The following TBC1D22A variants were observed in gnomAD, a reference collection of about 807,000 sequenced individuals.
The protein encoded by TBC1D22A is putative GTPase activator.
Under a neutral mutation model 60.2 loss-of-function variants are expected in TBC1D22A, and 38 were observed. The ratio of observed to expected loss-of-function variants is 0.63; its 90% CI spans 0.49 to 0.83. The LOEUF (loss-of-function observed/expected upper bound fraction) is 0.83. TBC1D22A is among the 40% of genes least tolerant of loss of function. TBC1D22A has a pLI of 0.00. For missense variants in TBC1D22A, 628 were observed against 701.0 expected, an observed-to-expected ratio of 0.90 and a Z score of 1.18; for synonymous variants, 302 against 281.7, an observed-to-expected ratio of 1.07 and a Z score of -0.72.
rs1324330341 is a variant in TBC1D22A at position 46,762,856 on chromosome 22, T to A, written c.62+8T>A. 2.6e-5 allele frequency: 38 copies of A among 1,468,804 alleles called. No individual in the cohort carries two copies. Among genetic ancestry groups the A allele is most frequent in the Non-Finnish European group, 3.4e-5 (38 of 1,116,294 alleles). The allele number at this position is 1,468,804 out of a possible 1,614,324, so 91.0% of individuals were successfully genotyped here. A position where few individuals can be genotyped will look rare whatever the true frequency, so the allele number is the denominator to read the frequency against. ...CAGCAAGCTCCCGGGCAGGTGGGTG[T>A]GCCGCGGAGGGCCAGGTCGGGGTCA... On this transcript the variant is annotated splice_region_variant and intron_variant, in intron 1 of 12. Transcript: ENST00000337137.
At chr22:47,173,004 A>AG (rs2068546449) in intron 12 of TBC1D22A, among the ~76,000 whole-genome samples, 1 of 152,236 alleles carries the variant, frequency 6.6e-6, no homozygotes, top group Admixed American at 6.5e-5. Flanking sequence ...TGGCAGTTCC[A>AG]GGGGTGCTGC....
At chr22:47,163,866 A>G (rs936122106) in intron 12 of TBC1D22A, among the ~76,000 whole-genome samples, 4 of 152,238 alleles carry the variant, frequency 2.6e-5, no homozygotes, top group African/African-American at 9.6e-5. Flanking sequence ...TGGGACGCCA[A>G]GAGTCCAGTG....
intron 12 of TBC1D22A, among the ~76,000 whole-genome samples, chr22:47,168,040 A>G (rs1475093504): frequency 1.3e-5 from 2 of 152,274 alleles, no homozygotes; most frequent in Non-Finnish European, 1.5e-5. Flanking sequence ...AGGGTTGTGT[A>G]GCTAATAAAT....
At chr22:46,992,398 T>A (rs1057243326) in intron 9 of TBC1D22A, among the ~76,000 whole-genome samples, 2 of 152,256 alleles carry the variant, frequency 1.3e-5, no homozygotes, top group Non-Finnish European at 2.9e-5. Flanking sequence ...CTGCTTGGCA[T>A]GTGCCCAAAT....
At chr22:47,099,628 A>T (rs1324208640) in intron 11 of TBC1D22A, among the ~76,000 whole-genome samples, 1 of 151,866 alleles carries the variant, frequency 6.6e-6, no homozygotes, top group Admixed American at 6.5e-5. Flanking sequence ...TATTTTTAGT[A>T]GAGATGGGGT....
intron 4 of TBC1D22A, among the ~76,000 whole-genome samples, chr22:46,861,997 T>C (rs924049138): frequency 2.0e-5 from 3 of 152,180 alleles, no homozygotes; most frequent in Non-Finnish European, 4.4e-5. Context: ...CTGGGGCCTC[T>C]GTATGGCCTC....
intron 10 of TBC1D22A, among the ~76,000 whole-genome samples, chr22:47,019,043 T>A (rs1173986649): frequency 3.3e-5 from 5 of 152,210 alleles, no homozygotes; most frequent in South Asian, 2.1e-4. Context: ...TGTTGGAGGC[T>A]CTGGTGCAGG....
chr22:46,891,472 C>G (rs1318482421), intron 6 of TBC1D22A, 78 bp downstream of exon 6: 1 of 1,469,986 alleles, frequency 6.8e-7, no homozygotes, highest in African/African-American at 1.4e-5. Context: ...AATGTTTTAT[C>G]AAAACCATGT....
At chr22:47,156,366 G>A (rs1254988624) in intron 12 of TBC1D22A, among the ~76,000 whole-genome samples, 1 of 152,220 alleles carries the variant, frequency 6.6e-6, no homozygotes, top group East Asian at 1.9e-4. Context: ...TGGTAGTCAG[G>A]TCCAGTGGCT....
At chr22:46,771,746 C>G (rs561601351) in intron 1 of TBC1D22A, among the ~76,000 whole-genome samples, 1 of 152,172 alleles carries the variant, frequency 6.6e-6, no homozygotes, top group Non-Finnish European at 1.5e-5. Context: ...AGGCACATGC[C>G]ACCATGCCCG....
chr22:46,970,480 A>G (rs1022642243), intron 8 of TBC1D22A, among the ~76,000 whole-genome samples: 2 of 152,036 alleles, frequency 1.3e-5, no homozygotes, highest in African/African-American at 4.8e-5. Flanking sequence ...TGTCCTATGG[A>G]GTGACACATG....
At position 46,982,787 on chromosome 22, in the gene TBC1D22A, T is replaced by C. The variant is rs142654815; in HGVS notation, c.1125+8388T>C. On this transcript the variant is annotated intron_variant, in intron 9 of 12. Coordinates refer to ENST00000337137, the MANE Select transcript of TBC1D22A (RefSeq NM_014346.5). The stretch of plus-strand genomic sequence containing the variant: ...AAACTAGGTGGTGGCGGGACAGGCA[T>C]TGGCGGGCAGGTGCAAGAGCACTGA... Among the ~76,000 whole-genome samples the C allele has an allele frequency of 9.2e-3, 1,395 of 152,234 alleles. 16 individuals are homozygous for C. The highest frequency in any genetic ancestry group is 0.024 in the African/African-American group (996 of 41,548).
chr22:47,041,865 G>A (rs975739176), intron 11 of TBC1D22A, among the ~76,000 whole-genome samples: 5 of 152,228 alleles, frequency 3.3e-5, no homozygotes, highest in African/African-American at 1.2e-4. Flanking sequence ...TGGACAGCGG[G>A]CGTGGCCGTG....
rs556590533 is a variant in TBC1D22A, at chr22:47,039,801, A to G, written c.1329+2603A>G. Among the ~76,000 whole-genome samples, 6 of 151,346 alleles carry G rather than the reference A, an allele frequency of 4.0e-5. No individual in the cohort carries two copies. The East Asian group carries it at 1.2e-3, about 29-fold the overall frequency. ...ACATGGTTCCAAAGAGGCTGTACGGAAGGTATAGTGCTGGCATCTGCTCGG... is the reference window on the plus strand; with the variant it reads ...ACATGGTTCCAAAGAGGCTGTACGGGAGGTATAGTGCTGGCATCTGCTCGG... On this transcript the variant is annotated intron_variant, in intron 11 of 12. Transcript: ENST00000337137.
intron 12 of TBC1D22A, among the ~76,000 whole-genome samples, chr22:47,126,018 G>A (rs1431782221): frequency 6.6e-6 from 1 of 152,118 alleles, no homozygotes; most frequent in Admixed American, 6.5e-5. Flanking sequence ...GTCTCGCTCT[G>A]TCGGCCAGGT....
chr22:46,861,788 C>A (rs1035349446), intron 4 of TBC1D22A, among the ~76,000 whole-genome samples: 1 of 152,266 alleles, frequency 6.6e-6, no homozygotes, highest in African/African-American at 2.4e-5. Context: ...GACAGTGGGG[C>A]AGGAGGTGGG....
intron 4 of TBC1D22A, among the ~76,000 whole-genome samples, chr22:46,804,998 A>G (rs1372455611): frequency 7.2e-5 from 11 of 152,232 alleles, no homozygotes; most frequent in Admixed American, 6.5e-4. Flanking sequence ...GAAGGAAAGT[A>G]GGGCGAGTAT....
chr22:46,811,687 T>C (rs2085384172), intron 4 of TBC1D22A, among the ~76,000 whole-genome samples: 1 of 152,180 alleles, frequency 6.6e-6, no homozygotes, highest in South Asian at 2.1e-4. Context: ...GCCCAGCTAG[T>C]GGAGCCAGCA....
At chr22:46,817,503 A>C (rs1287457605) in intron 4 of TBC1D22A, among the ~76,000 whole-genome samples, 1 of 151,912 alleles carries the variant, frequency 6.6e-6, no homozygotes, top group East Asian at 1.9e-4. Flanking sequence ...AGAACATGCT[A>C]TGTTTGGTTT....
Sources: allele counts gnomAD v4.1 joint callset (sites outside exome capture counted in the v4.1 genomes callset), GRCh38; gene constraint gnomAD v4.1.1; transcripts MANE v1.5; gene names NCBI Gene and HGNC (gene_info 2026-07-23, HGNC 2026-07-21).